Variants in ANKFN1 observed in about 807,000 individuals in gnomAD.
ANKFN1 encodes the protein ankyrin repeat and fibronectin type III domain containing 1.
In ANKFN1, 74 loss-of-function variants were observed where a neutral mutation model predicts 108.7. The observed-to-expected ratio is 0.68, with a 90% CI of 0.56 to 0.83. The LOEUF (loss-of-function observed/expected upper bound fraction) is 0.83, where lower values mean the gene tolerates loss of function less well. Among genes scored for constraint, ANKFN1 ranks in the 40% least tolerant of loss-of-function variants. The pLI, the probability that ANKFN1 is intolerant of heterozygous loss-of-function variation, is 0.00. For synonymous variants in ANKFN1, 547 were observed against 516.2 expected (o/e 1.06, Z -0.81); for missense variants, 1,505 against 1,382.3 (o/e 1.09, Z -1.41).
intron 4 of ANKFN1, among the ~76,000 whole-genome samples, chr17:56,055,398 A>G (rs556705464): frequency 4.3e-4 from 65 of 150,712 alleles, no homozygotes; most frequent in Non-Finnish European, 7.4e-4. Context: ...TGCAAAGGAC[A>G]TGATTTCATT....
At chr17:56,176,805 T>A (rs1180689429) in intron 1 of ANKFN1, among the ~76,000 whole-genome samples, 2 of 152,226 alleles carry the variant, frequency 1.3e-5, no homozygotes, top group Non-Finnish European at 2.9e-5. Context: ...ACACTCCAGC[T>A]TATGTTCTAT....
chr17:56,118,329 A>C (rs1906398052), intron 4 of ANKFN1, among the ~76,000 whole-genome samples: 1 of 152,154 alleles, frequency 6.6e-6, no homozygotes, highest in African/African-American at 2.4e-5. Flanking sequence ...AAAAGTAGCC[A>C]CAACATAGTA....
intron 4 of ANKFN1, among the ~76,000 whole-genome samples, chr17:56,131,072 G>T (rs1161725578): frequency 6.6e-6 from 1 of 152,168 alleles, no homozygotes; most frequent in African/African-American, 2.4e-5. Flanking sequence ...GTGCCGTAAA[G>T]ACTAAACCAG....
At chr17:56,460,482 CCTT>C (rs1452249838) in intron 14 of ANKFN1, among the ~76,000 whole-genome samples, 5 of 145,840 alleles carry the variant, frequency 3.4e-5, no homozygotes, top group Admixed American at 2.0e-4. Flanking sequence ...TAAAATAAAA[CCTT>C]CTTCATTCTC....
chr17:56,267,619 C>T (rs1340659036), intron 3 of ANKFN1, among the ~76,000 whole-genome samples: 1 of 152,166 alleles, frequency 6.6e-6, no homozygotes, highest in Non-Finnish European at 1.5e-5. Context: ...TATGGCTAAG[C>T]AGTTATCCCA....
intron 8 of ANKFN1, among the ~76,000 whole-genome samples, chr17:56,423,231 G>A (rs1348073079): frequency 6.6e-6 from 1 of 152,194 alleles, no homozygotes; most frequent in African/African-American, 2.4e-5. Context: ...CAGAAAGCAA[G>A]TGGGCTGGAG....
chr17:56,416,001 G>A (rs1319227919), intron 8 of ANKFN1, among the ~76,000 whole-genome samples: 1 of 152,132 alleles, frequency 6.6e-6, no homozygotes, highest in African/African-American at 2.4e-5. Flanking sequence ...TGGGGAAACT[G>A]GGTATTTATA....
chr17:56,293,090 G>T (rs2044408257), intron 3 of ANKFN1, among the ~76,000 whole-genome samples: 1 of 152,092 alleles, frequency 6.6e-6, no homozygotes, highest in Non-Finnish European at 1.5e-5. Flanking sequence ...CTATAAATGG[G>T]CCAAGTACTG....
chr17:56,064,459 T>G (rs928865862), intron 4 of ANKFN1, among the ~76,000 whole-genome samples: 7 of 152,204 alleles, frequency 4.6e-5, no homozygotes, highest in African/African-American at 1.7e-4. Flanking sequence ...AGGGAAGCCC[T>G]GCCCAGTGAG....
intron 8 of ANKFN1, among the ~76,000 whole-genome samples, chr17:56,401,763 C>G (rs1251413042): frequency 2.0e-5 from 3 of 151,918 alleles, no homozygotes; most frequent in Non-Finnish European, 4.4e-5. Flanking sequence ...CATCCTTGTT[C>G]TGTTCCAGTT....
At chr17:56,467,783 GA>G (rs1225888511) in intron 15 of ANKFN1, among the ~76,000 whole-genome samples, 111 of 22,802 alleles carry the variant, frequency 4.9e-3, no homozygotes, top group South Asian at 5.8e-3. Flanking sequence ...AAGAAAGAAA[GA>G]AAGAAAGAAG....
intron 18 of ANKFN1, among the ~76,000 whole-genome samples, chr17:56,486,630 T>C (rs2050867365): frequency 6.6e-6 from 1 of 152,188 alleles, no homozygotes; most frequent in Non-Finnish European, 1.5e-5. Flanking sequence ...ATGCTAAGCA[T>C]TATTTTTTTC....
At chr17:56,076,860 TC>T (rs1175379240) in intron 4 of ANKFN1, among the ~76,000 whole-genome samples, 2 of 152,230 alleles carry the variant, frequency 1.3e-5, no homozygotes, top group Non-Finnish European at 2.9e-5. Flanking sequence ...GGTAGCATTC[TC>T]TTCTGTTTGT....
chr17:56,308,348 T>A (rs1487647553), intron 3 of ANKFN1, among the ~76,000 whole-genome samples: 1 of 152,152 alleles, frequency 6.6e-6, no homozygotes, highest in African/African-American at 2.4e-5. Flanking sequence ...CTTGCATCCA[T>A]GTAGTCATTA....
At chr17:56,305,649 A>G (rs1175187659) in intron 3 of ANKFN1, among the ~76,000 whole-genome samples, 2 of 152,198 alleles carry the variant, frequency 1.3e-5, no homozygotes, top group Non-Finnish European at 2.9e-5. Context: ...TCATGTTGTT[A>G]AAGTCCAATT....
At chr17:56,194,410 T>TG (rs1287577066) in intron 1 of ANKFN1, among the ~76,000 whole-genome samples, 2 of 152,136 alleles carry the variant, frequency 1.3e-5, no homozygotes, top group Non-Finnish European at 2.9e-5. Context: ...CATCAGGCAA[T>TG]GGGGTATTAT....
chr17:56,273,557 G>A (rs911948594), intron 3 of ANKFN1, among the ~76,000 whole-genome samples: 15 of 151,856 alleles, frequency 9.9e-5, no homozygotes, highest in African/African-American at 3.6e-4. Flanking sequence ...CACCAGATAG[G>A]GAATCTTATT....
At chr17:56,253,208 TC>T (rs1285520675) in intron 3 of ANKFN1, among the ~76,000 whole-genome samples, 3 of 152,170 alleles carry the variant, frequency 2.0e-5, no homozygotes, top group Non-Finnish European at 4.4e-5. Context: ...ATGCTGTACT[TC>T]CTAGCAGCAG....
chr17:56,188,573 GTGTGTGTGTATATATATATATATA>G (rs1323184318), intron 1 of ANKFN1, among the ~76,000 whole-genome samples: 2 of 95,454 alleles, frequency 2.1e-5, no homozygotes, highest in African/African-American at 1.0e-4. Flanking sequence ...ATGTGTGTGT[GTGTGTGTGTATATATATATATATA>G]TATATATATA....
Sources: gnomAD v4.1 joint callset for allele counts (sites outside exome capture counted in the v4.1 genomes callset) on GRCh38, gnomAD v4.1.1 for gene constraint, MANE v1.5 for transcripts, NCBI Gene and HGNC (gene_info 2026-07-23, HGNC 2026-07-21) for gene names.